The following CEP85L variants were observed in gnomAD, a reference collection of about 807,000 sequenced individuals.
The protein encoded by CEP85L is centrosomal protein 85L, also known as centrosomal protein of 85 kDa-like.
In CEP85L, 60 loss-of-function variants were observed where a neutral mutation model predicts 100.3. The observed-to-expected ratio is 0.60, with a 90% CI of 0.49 to 0.74. CEP85L has a LOEUF of 0.74. CEP85L is among the 30% of genes least tolerant of loss of function. The probability of loss-of-function intolerance (pLI) is 0.00; values close to 1 mark genes in which losing one functional copy is unlikely to be tolerated. For missense variants in CEP85L, 973 were observed against 936.2 expected (o/e 1.04, Z -0.51); for synonymous variants, 319 against 322.7 (o/e 0.99, Z 0.12).
intron 2 of CEP85L, among the ~76,000 whole-genome samples, chr6:118,578,201 T>A (rs1780353581): frequency 6.6e-6 from 1 of 152,162 alleles, no homozygotes; most frequent in African/African-American, 2.4e-5. Context: ...GCAAACCTCT[T>A]ACTCCGTAAA....
intron 1 of CEP85L, among the ~76,000 whole-genome samples, chr6:118,683,028 G>C (rs780931141): frequency 1.3e-5 from 2 of 152,046 alleles, no homozygotes; most frequent in Non-Finnish European, 2.9e-5. Flanking sequence ...GTTTTTATCA[G>C]GCATAACAAT....
At chr6:118,642,686 G>C (rs1206440579) in intron 1 of CEP85L, among the ~76,000 whole-genome samples, 3 of 152,030 alleles carry the variant, frequency 2.0e-5, no homozygotes, top group Admixed American at 6.6e-5. Flanking sequence ...GGCTGAGCAG[G>C]GTGGATCACC....
In CEP85L at chr6:118,465,585, T is replaced by G. The variant is rs1268193203; in HGVS notation, c.2255-17A>C. 1.6e-5 allele frequency: 26 copies of G among 1,599,496 alleles called. No homozygotes were observed. In the East Asian group the frequency reaches 2.0e-4, roughly 12 times the overall value. On this transcript the variant is annotated splice_polypyrimidine_tract_variant and intron_variant, in intron 12 of 12. Transcript: ENST00000368491. Reference sequence around the variant, plus strand: ...AGTTCATTGCTGTGTAAATAAAACATAGAGAGAATATCTCACATTTTTTTG... The same window carrying G: ...AGTTCATTGCTGTGTAAATAAAACAGAGAGAGAATATCTCACATTTTTTTG...
chr6:118,512,961 A>G (rs758420599), intron 4 of CEP85L, among the ~76,000 whole-genome samples: 2 of 152,206 alleles, frequency 1.3e-5, no homozygotes, highest in Non-Finnish European at 2.9e-5. Flanking sequence ...AAAATAGACA[A>G]GGATAGTAAA....
At chr6:118,600,326 T>TGTGTGTGTGTGTGTGTGTGTGTGTGTGTG in intron 2 of CEP85L, among the ~76,000 whole-genome samples, 1 of 112,318 alleles carries the variant, frequency 8.9e-6, no homozygotes, top group South Asian at 3.4e-4. Context: ...TGTGTGTGTG[T>TGTGTGTGTGTGTGTGTGTGTGTGTGTGTG]GTGTGTGTGT....
intron 1 of CEP85L, among the ~76,000 whole-genome samples, chr6:118,686,771 G>A (rs1776848114): frequency 6.6e-6 from 1 of 152,106 alleles, no homozygotes; most frequent in Non-Finnish European, 1.5e-5. Context: ...CAAATATTTA[G>A]GCCTGTTGTG....
At chr6:118,476,953 C>T (rs1022185038) in intron 10 of CEP85L, among the ~76,000 whole-genome samples, 2 of 152,142 alleles carry the variant, frequency 1.3e-5, no homozygotes, top group Admixed American at 1.3e-4. Flanking sequence ...CTGAAAAAGG[C>T]TTACGGATTT....
chr6:118,703,878 A>G (rs1777509356), intron 1 of CEP85L, among the ~76,000 whole-genome samples: 1 of 152,232 alleles, frequency 6.6e-6, no homozygotes, highest in African/African-American at 2.4e-5. Context: ...TAATATGTAC[A>G]TCATATTCTA....
intron 4 of CEP85L, among the ~76,000 whole-genome samples, chr6:118,518,268 T>C (rs566466503): frequency 6.6e-5 from 10 of 152,358 alleles, no homozygotes; most frequent in African/African-American, 2.4e-4. Flanking sequence ...GAGGATTCCC[T>C]CTTTTTCTAC....
At chr6:118,685,288 C>A (rs578109549) in intron 1 of CEP85L, among the ~76,000 whole-genome samples, 17 of 152,216 alleles carry the variant, frequency 1.1e-4, no homozygotes, top group Admixed American at 3.9e-4. Flanking sequence ...ATTTTAAGTA[C>A]CTTGTTTTAA....
intron 1 of CEP85L, 139 bp downstream of exon 1, chr6:118,651,058 G>C (rs1019302103): frequency 3.9e-6 from 5 of 1,291,190 alleles, no homozygotes; most frequent in African/African-American, 1.6e-5. Context: ...CAGCGGGGAG[G>C]ACACTGGGCA....
chr6:118,499,048 G>C (rs934536042), intron 5 of CEP85L, among the ~76,000 whole-genome samples: 4 of 152,250 alleles, frequency 2.6e-5, no homozygotes, highest in South Asian at 2.1e-4. Context: ...ATTTAAAAAT[G>C]TCAACTAAAT....
chr6:118,566,225 G>A lies in CEP85L; in HGVS notation c.324C>T (p.Ser108=), dbSNP rs749272513. The A allele has an allele frequency of 1.6e-5, 26 of 1,613,878 alleles. No individual in the cohort carries two copies. In the African/African-American group the frequency reaches 2.1e-4, roughly 13 times the overall value. Residue 108 remains serine (S), a synonymous_variant, in exon 3 of 13, where the codon AGC becomes AGT. Transcript: ENST00000368491. ...ATTCCCTAAGTTTGGAAATTGAAGC[G>A]CTGGAATTAGACGGCATCACATGGG... ...PTAHVMPSNS[S]ASISKLRESL...
intron 2 of CEP85L, among the ~76,000 whole-genome samples, chr6:118,619,873 T>A (rs1465084108): frequency 1.3e-5 from 2 of 152,154 alleles, no homozygotes; most frequent in African/African-American, 4.8e-5. Context: ...TAGGGATTTA[T>A]GGTATCTCAG....
intron 2 of CEP85L, among the ~76,000 whole-genome samples, chr6:118,605,769 T>C (rs1019932522): frequency 1.3e-5 from 2 of 152,044 alleles, no homozygotes; most frequent in African/African-American, 4.8e-5. Flanking sequence ...TCCCAGCACT[T>C]TGAGAGGCCG....
chr6:118,511,965 G>GAA (rs544839945), intron 4 of CEP85L, among the ~76,000 whole-genome samples: 6 of 134,606 alleles, frequency 4.5e-5, no homozygotes, highest in African/African-American at 8.1e-5. Flanking sequence ...TTACAAGAAA[G>GAA]AAAAAAAAAA....
intron 1 of CEP85L, among the ~76,000 whole-genome samples, chr6:118,673,070 T>C (rs1776366609): frequency 6.6e-6 from 1 of 152,188 alleles, no homozygotes; most frequent in Non-Finnish European, 1.5e-5. Flanking sequence ...CTCCTGGTTC[T>C]AGTGCAGTGC....
upstream of CEP85L, chr6:118,651,857 T>G (rs866386097): frequency 6.1e-6 from 6 of 985,240 alleles, no homozygotes; most frequent in South Asian, 2.8e-4. Flanking sequence ...TTTGCGATAC[T>G]CGCCCCTCCC....
rs1257967970 is a variant in CEP85L, at chr6:118,464,183, T to A, written c.*1222A>T. 6.6e-6 allele frequency: 1 copy of A among 152,178 alleles called. No homozygotes were observed. The highest frequency in any genetic ancestry group is 6.5e-5 in the Admixed American group (1 of 15,276). 9.4% of individuals were successfully genotyped at this position (152,178 alleles called of 1,614,324 possible). On this transcript the variant is annotated 3_prime_UTR_variant, in exon 13 of 13. Coordinates refer to ENST00000368491, the MANE Select transcript of CEP85L (RefSeq NM_001042475.3). Reference sequence around the variant, plus strand: ...ATGCTGAAGGCAATAAAATGTATAATCCTTCCAAAATACCAACAGAAACAT... The same window carrying A: ...ATGCTGAAGGCAATAAAATGTATAAACCTTCCAAAATACCAACAGAAACAT...
Sources: allele counts gnomAD v4.1 joint callset (sites outside exome capture counted in the v4.1 genomes callset), GRCh38; gene constraint gnomAD v4.1.1; transcripts MANE v1.5; gene names NCBI Gene and HGNC (gene_info 2026-07-23, HGNC 2026-07-21).